Variants in FTO observed in about 807,000 individuals in gnomAD.
FTO encodes FTO alpha-ketoglutarate dependent dioxygenase.
A neutral mutation model predicts 63.9 loss-of-function variants in FTO; 47 were observed. The observed-to-expected ratio is 0.74, with a 90% CI of 0.58 to 0.94. The LOEUF is 0.94. Ranked by LOEUF, FTO falls within the 40% of genes least tolerant of loss-of-function variation. The probability of loss-of-function intolerance (pLI) is 0.00; values close to 1 mark genes in which losing one functional copy is unlikely to be tolerated. For missense variants in FTO, 562 were observed against 618.1 expected (o/e 0.91, Z 0.96); for synonymous variants, 207 against 224.4 (o/e 0.92, Z 0.69).
intron 8 of FTO, among the ~76,000 whole-genome samples, chr16:54,048,238 A>G (rs373760376): frequency 7.4e-6 from 1 of 134,622 alleles, no homozygotes; most frequent in African/African-American, 3.0e-5. Context: ...AATAAAAAAT[A>G]AAAAAATAAA....
At chr16:54,017,961 C>T (rs1075971) in intron 8 of FTO, among the ~76,000 whole-genome samples, 11,248 of 151,736 alleles carry the variant, frequency 0.074, 633 homozygotes, top group African/African-American at 0.15. Context: ...AATAACTCAC[C>T]CCCTGGTCCC....
chr16:53,745,197 G>A (rs911585680), intron 1 of FTO, among the ~76,000 whole-genome samples: 1 of 152,160 alleles, frequency 6.6e-6, no homozygotes, highest in East Asian at 1.9e-4. Flanking sequence ...ATCTGCTGGT[G>A]GTATCTAGTG....
intron 4 of FTO, among the ~76,000 whole-genome samples, chr16:53,856,368 T>TTTTTAA (rs371489949): frequency 5.3e-5 from 8 of 150,120 alleles, no homozygotes; most frequent in East Asian, 2.0e-4. Flanking sequence ...TTTTTTTTTT[T>TTTTTAA]GGGGGGGGAT....
intron 1 of FTO, among the ~76,000 whole-genome samples, chr16:53,796,169 C>T (rs1598683298): frequency 2.0e-5 from 3 of 151,834 alleles, no homozygotes; most frequent in East Asian, 3.9e-4. Context: ...CTCAGCCTCC[C>T]GAGTAGCTGG....
intron 8 of FTO, chr16:54,063,534 A>G (rs2085639313): frequency 6.6e-6 from 1 of 152,194 alleles, no homozygotes; most frequent in Non-Finnish European, 1.5e-5. Context: ...TGAGATCACA[A>G]ATGCCGTATG....
At chr16:53,829,052 A>G (rs2079080317) in intron 3 of FTO, among the ~76,000 whole-genome samples, 1 of 151,978 alleles carries the variant, frequency 6.6e-6, no homozygotes, top group African/African-American at 2.4e-5. Flanking sequence ...CACTACTCCC[A>G]GCTAATTTTT....
intron 1 of FTO, among the ~76,000 whole-genome samples, chr16:53,709,932 G>A (rs147781215): frequency 2.6e-4 from 40 of 152,138 alleles, no homozygotes; most frequent in African/African-American, 8.9e-4. Context: ...AGTTAACATT[G>A]ATATAATGCT....
chr16:53,842,415 A>C (rs1470142660), intron 3 of FTO, among the ~76,000 whole-genome samples: 1 of 152,226 alleles, frequency 6.6e-6, no homozygotes, highest in Non-Finnish European at 1.5e-5. Context: ...TTATTAAATT[A>C]ACTTTTAAAA....
intron 7 of FTO, among the ~76,000 whole-genome samples, chr16:53,931,685 C>T (rs1046785593): frequency 2.0e-5 from 3 of 151,974 alleles, no homozygotes; most frequent in South Asian, 4.1e-4. Flanking sequence ...GGAGTAGTAC[C>T]GTTGTTAGAA....
chr16:53,772,371 T>A (rs777650222), intron 1 of FTO, among the ~76,000 whole-genome samples: 69 of 152,116 alleles, frequency 4.5e-4, no homozygotes, highest in Non-Finnish European at 7.8e-4. Flanking sequence ...CCTTTAGCTC[T>A]CTATTTAAAC....
rs1293641193 is a variant in FTO, at chr16:53,924,609, C to T, written c.1240-9376C>T. Among the ~76,000 whole-genome samples the T allele has an allele frequency of 6.8e-5, 6 of 87,778 alleles. No homozygotes were observed. The South Asian group carries it at 2.1e-3, about 31-fold the overall frequency. 57.6% of individuals were successfully genotyped at this position (87,778 alleles called of 152,430 possible). A position where few individuals can be genotyped will look rare whatever the true frequency, so the allele number is the denominator to read the frequency against. On this transcript the variant is annotated intron_variant, in intron 7 of 8. Coordinates refer to ENST00000471389, the MANE Select transcript of FTO (RefSeq NM_001080432.3). ...TCCTGGGTGAGTAGACTATGAAGGG[C>T]GGGGGAGGGGAAGGAAGGATGAAGA...
chr16:53,810,135 A>G lies in FTO; in HGVS notation c.46-5A>G. 1.3e-6 allele frequency: 2 copies of G among 1,599,866 alleles called. No homozygotes were observed. The highest frequency in any genetic ancestry group is 1.7e-6 in the Non-Finnish European group (2 of 1,167,754). Reference sequence around the variant, plus strand: ...CACTTATATGTAATTATTATTTTCAAACAGAAACTGAGGCTTCTTGAAGAG... The same window carrying G: ...CACTTATATGTAATTATTATTTTCAGACAGAAACTGAGGCTTCTTGAAGAG... On this transcript the variant is annotated splice_polypyrimidine_tract_variant and splice_region_variant and intron_variant, in intron 1 of 8. Coordinates refer to ENST00000471389, the MANE Select transcript of FTO (RefSeq NM_001080432.3).
In FTO at chr16:54,117,498, C is replaced by T. The variant is rs1311586261; in HGVS notation, c.*5583C>T. The T allele has an allele frequency of 2.0e-5, 3 of 152,130 alleles. No homozygotes were observed. The highest frequency in any genetic ancestry group is 2.9e-5 in the Non-Finnish European group (2 of 68,030). The allele number at this position is 152,130 out of a possible 1,614,324, so 9.4% of individuals were successfully genotyped here. A position where few individuals can be genotyped will look rare whatever the true frequency, so the allele number is the denominator to read the frequency against. ...TATCATGTCTGGTACTTAAAAATCA[C>T]GCCACGCATGTACATTATTATGATG... On this transcript the variant is annotated 3_prime_UTR_variant, in exon 9 of 9. Coordinates refer to ENST00000471389, the MANE Select transcript of FTO (RefSeq NM_001080432.3).
At chr16:53,877,013 C>G (rs143359035) in intron 5 of FTO, among the ~76,000 whole-genome samples, 1 of 152,268 alleles carries the variant, frequency 6.6e-6, no homozygotes, top group African/African-American at 2.4e-5. Context: ...AAATACAAAT[C>G]AAAACCACGA....
chr16:53,843,793 A>G (rs926355631), intron 3 of FTO, among the ~76,000 whole-genome samples: 6 of 151,052 alleles, frequency 4.0e-5, no homozygotes, highest in African/African-American at 1.5e-4. Context: ...TTCTCTTTAC[A>G]TCTGTTTTTT....
chr16:53,898,033 T>A (rs1310496839), intron 7 of FTO, among the ~76,000 whole-genome samples: 2 of 152,184 alleles, frequency 1.3e-5, no homozygotes, highest in Non-Finnish European at 2.9e-5. Context: ...CAACCAGCTT[T>A]CCTGCTTCTA....
chr16:54,098,624 CA>C (rs2086565921), intron 8 of FTO, among the ~76,000 whole-genome samples: 1 of 152,192 alleles, frequency 6.6e-6, no homozygotes, highest in Non-Finnish European at 1.5e-5. Context: ...TACTCACTGG[CA>C]GTCTGTCTGT....
intron 1 of FTO, among the ~76,000 whole-genome samples, chr16:53,765,761 G>A (rs1363516381): frequency 3.3e-5 from 5 of 152,064 alleles, no homozygotes; most frequent in Non-Finnish European, 5.9e-5. Context: ...GTGCTAAAGA[G>A]CTTAGCATGT....
intron 1 of FTO, among the ~76,000 whole-genome samples, chr16:53,775,919 A>G (rs1003722998): frequency 2.0e-5 from 3 of 152,142 alleles, no homozygotes; most frequent in Admixed American, 6.5e-5. Flanking sequence ...TTTTATGACT[A>G]TATACTCTCC....
Sources: allele counts gnomAD v4.1 joint callset (sites outside exome capture counted in the v4.1 genomes callset), GRCh38; gene constraint gnomAD v4.1.1; transcripts MANE v1.5; gene names NCBI Gene and HGNC (gene_info 2026-07-23, HGNC 2026-07-21).